ARHGAP9: variants seen among roughly 807,000 people sequenced by gnomAD.
The protein encoded by ARHGAP9 is Rho GTPase activating protein 9, also known as rho GTPase-activating protein 9.
In ARHGAP9, 76 loss-of-function variants were observed where a neutral mutation model predicts 87.3. The ratio of observed to expected loss-of-function variants is 0.87; its 90% CI spans 0.72 to 1.05. ARHGAP9 has a LOEUF of 1.05. Among genes scored for constraint, ARHGAP9 ranks in the 50% least tolerant of loss-of-function variants. The probability of loss-of-function intolerance (pLI) is 0.00; values close to 1 mark genes in which losing one functional copy is unlikely to be tolerated. For synonymous variants in ARHGAP9, 382 were observed against 394.9 expected (o/e 0.97, Z 0.39); for missense variants, 941 against 960.5 (o/e 0.98, Z 0.27).
chr12:57,474,849 G>A (rs1265799403), intron 13 of ARHGAP9, 26 bp downstream of exon 13: 2 of 1,613,502 alleles, frequency 1.2e-6, no homozygotes, highest in Non-Finnish European at 1.7e-6. Context: ...GTTGGAAGAG[G>A]ATTCTGGGGT....
At chr12:57,476,318 G>C (rs1555160638) in intron 8 of ARHGAP9, 46 bp downstream of exon 8, 1 of 1,598,206 alleles carries the variant, frequency 6.3e-7, no homozygotes, top group African/African-American at 1.3e-5. Context: ...GGCGTGAGGC[G>C]GTAGGCAGCG....
At chr12:57,485,372 A>G (rs1875319305) in intron 1 of ARHGAP9, among the ~76,000 whole-genome samples, 1 of 151,716 alleles carries the variant, frequency 6.6e-6, no homozygotes, top group African/African-American at 2.4e-5. Flanking sequence ...CCTGGCCAAC[A>G]TGATGAAACC....
In ARHGAP9 at chr12:57,474,612, A is replaced by G; in HGVS notation, c.1729+14T>C. The G allele has an allele frequency of 6.2e-7, 1 of 1,614,186 alleles. No homozygotes were observed. Among genetic ancestry groups the G allele is most frequent in the Non-Finnish European group, 8.5e-7 (1 of 1,180,026 alleles). On this transcript the variant is annotated intron_variant, in intron 14 of 17. Transcript: ENST00000393791. ...ACATTCTTAGTACAACCACTGGCCC[A>G]CAAGCCTTCTCACCTCTGTCCACCA...
At chr12:57,476,338 A>C (rs486699) in intron 8 of ARHGAP9, 26 bp downstream of exon 8, 1,508,572 of 1,610,538 alleles carry the variant, frequency 0.94, 708,447 homozygotes, top group Non-Finnish European at 0.95. Context: ...GCCCGCACCC[A>C]TCCTGCGCCT....
chr12:57,487,850 CAAA>C lies in ARHGAP9; in HGVS notation c.-204+759_-204+761del, dbSNP rs10715375. The C allele has an allele frequency of 0.057, 10,093 of 177,484 alleles. 10 individuals carry two copies. The highest frequency in any genetic ancestry group is 0.1 in the East Asian group (880 of 8,722). The allele number at this position is 177,484 out of a possible 1,614,324, so 11.0% of individuals were successfully genotyped here. ...GGTGACAGAGGGAGACGCCCTCTCA[CAAA>C]AAAAAAAAAAAAAAAAAAAAAGTGC... On this transcript the variant is annotated intron_variant, in intron 1 of 20. Transcript: ENST00000393797.
chr12:57,476,349 C>G lies in ARHGAP9; in HGVS notation c.1116+15G>C. On this transcript the variant is annotated intron_variant, in intron 8 of 17. Coordinates refer to ENST00000393791, the MANE Select transcript of ARHGAP9 (RefSeq NM_032496.4). ...CAGCGCCCGCACCCATCCTGCGCCT[C>G]TCGCTCACACTCACCCAGCCTGAGG... The G allele has an allele frequency of 6.2e-7, 1 of 1,612,858 alleles. No individual in the cohort carries two copies. The highest frequency in any genetic ancestry group is 1.1e-5 in the South Asian group (1 of 91,024).
intron 1 of ARHGAP9, among the ~76,000 whole-genome samples, chr12:57,486,371 G>C (rs1254579343): frequency 6.6e-6 from 1 of 151,654 alleles, no homozygotes; most frequent in South Asian, 2.1e-4. Flanking sequence ...CTGGGTTCAA[G>C]TGATTCTCCT....
In ARHGAP9 at chr12:57,473,632, A is replaced by G; in HGVS notation, c.1995T>C (p.Thr665=). The change falls in exon 17 of 18, where the codon ACT becomes ACC. Residue 665 remains threonine, a synonymous_variant. Transcript: ENST00000393791. ...ATAAATGCTCCAGGAGGTACCGTAG[A>G]GTGTCATGGTTGGGCTTTGGCATTG... ...IGSMPKPNHD[T]LRYLLEHLCR... The G allele has an allele frequency of 1.9e-6, 3 of 1,613,874 alleles. No homozygotes were observed. Among genetic ancestry groups the G allele is most frequent in the Non-Finnish European group, 2.5e-6 (3 of 1,179,828 alleles).
upstream of ARHGAP9, among the ~76,000 whole-genome samples, chr12:57,481,453 A>C (rs1170576437): frequency 6.6e-6 from 1 of 151,724 alleles, no homozygotes; most frequent in Non-Finnish European, 1.5e-5. Flanking sequence ...GGGTTTCACT[A>C]TGTTGGCCAG....
In ARHGAP9 at chr12:57,474,031, C is replaced by A; in HGVS notation, c.1918+11G>T. ...CACATCAAGGGTTCTTTCCAAAGCT[C>A]CAACCCTTACCAAGGGCAGCACGGA... On this transcript the variant is annotated intron_variant, in intron 16 of 17. Transcript: ENST00000393791. The A allele has an allele frequency of 1.2e-6, 2 of 1,612,452 alleles. No homozygotes were observed. The highest frequency in any genetic ancestry group is 2.7e-5 in the African/African-American group (2 of 75,008).
chr12:57,477,280 G>T lies in ARHGAP9; in HGVS notation c.757-11C>A. 1.3e-6 allele frequency: 2 copies of T among 1,549,994 alleles called. No individual in the cohort carries two copies. Among genetic ancestry groups the T allele is most frequent in the Non-Finnish European group, 8.7e-7 (1 of 1,148,244 alleles). ...CATGGAGCCAGGGTTCTGGGTTAGG[G>T]GAGGAGGAAATAAAGCTACATCCAG... On this transcript the variant is annotated splice_polypyrimidine_tract_variant and intron_variant, in intron 4 of 17. Coordinates refer to ENST00000393791, the MANE Select transcript of ARHGAP9 (RefSeq NM_032496.4).
chr12:57,480,980 C>T (rs182152217), upstream of ARHGAP9: 164 of 711,032 alleles, frequency 2.3e-4, no homozygotes, highest in African/African-American at 2.2e-3. Flanking sequence ...CACTTCAACA[C>T]ATGGAGAATC....
chr12:57,488,114 C>T lies in ARHGAP9; in HGVS notation c.-204+498G>A. On this transcript the variant is annotated intron_variant, in intron 1 of 20. Coordinates refer to the ARHGAP9 transcript ENST00000393797. Reference sequence around the variant, plus strand: ...AAATGAGACTGTTCGTGAGTGATGGCGTCCCGGGTTGCTTGCCGGTGCTGG... The same window carrying T: ...AAATGAGACTGTTCGTGAGTGATGGTGTCCCGGGTTGCTTGCCGGTGCTGG... 1 of 1,614,160 alleles carries T rather than the reference C, an allele frequency of 6.2e-7. No individual in the cohort carries two copies. Among genetic ancestry groups the T allele is most frequent in the African/African-American group, 1.3e-5 (1 of 75,062 alleles).
At position 57,474,878 on chromosome 12, in the gene ARHGAP9, T is replaced by A. The variant is rs1873000393; in HGVS notation, c.1648A>T (p.Arg550Ter). Residue 550 changes from arginine to a stop codon, truncating the protein, a stop_gained, in exon 13 of 18, where the codon AGA becomes TGA. Transcript: ENST00000393791. LOFTEE classifies it high-confidence loss of function. ...CTGGGGTCTCTGAGAAAATGACCTCTTTTATCCACAGCAGCAATGCAGAGC... is the reference window on the plus strand; with the variant it reads ...CTGGGGTCTCTGAGAAAATGACCTCATTTATCCACAGCAGCAATGCAGAGC... ...LRLCIAAVDK[R>*]GLDVDGIYRV... The A allele has an allele frequency of 6.2e-7, 1 of 1,614,186 alleles. No individual in the cohort carries two copies. Among genetic ancestry groups the A allele is most frequent in the East Asian group, 2.2e-5 (1 of 44,894 alleles).
Position 57,477,580 on chromosome 12 carries a change from AG to A in ARHGAP9, c.634del (p.Leu212CysfsTer22), listed in dbSNP as rs1268197362. ...RSPPPGPACP[L>X]LQRLDAWEQH... is the part of the protein sequence containing the mutation. ...CTCCCAGGCATCCAGCCTCTGCAGC[AG>A]GGGGCATGCAGGGCCTGGGGGTGGG... On this transcript the variant is annotated frameshift_variant, in exon 4 of 18. Coordinates refer to ENST00000393791, the MANE Select transcript of ARHGAP9 (RefSeq NM_032496.4). LOFTEE classifies it high-confidence loss of function. 1 of 1,613,168 alleles carries A rather than the reference AG, an allele frequency of 6.2e-7. No homozygotes were observed. The highest frequency in any genetic ancestry group is 8.5e-7 in the Non-Finnish European group (1 of 1,179,544).
chr12:57,473,780 T>A lies in ARHGAP9; in HGVS notation c.1919-72A>T. ...GCTAGGACAGGATGGGTAAATGCAC[T>A]GCTCTTTCCCACAGGCATGGAAGAC... On this transcript the variant is annotated intron_variant, in intron 16 of 17. Transcript: ENST00000393791. The A allele has an allele frequency of 2.9e-6, 4 of 1,379,734 alleles. No homozygotes were observed. In the South Asian group the frequency reaches 4.7e-5, roughly 16 times the overall value. The allele number at this position is 1,379,734 out of a possible 1,614,324, so 85.5% of individuals were successfully genotyped here. A position where few individuals can be genotyped will look rare whatever the true frequency, so the allele number is the denominator to read the frequency against.
chr12:57,477,671 G>A lies in ARHGAP9; in HGVS notation c.544C>T (p.Gln182Ter). 6.2e-7 allele frequency: 1 copy of A among 1,610,478 alleles called. No individual in the cohort carries two copies. The highest frequency in any genetic ancestry group is 8.5e-7 in the Non-Finnish European group (1 of 1,177,308). ...ACAGGGGGCTCTGACATGAGGGGCT[G>A]GGGGCCTGCCTGCCAGAAAAGGGGG... ...SEASASTAGP[Q>*]PLMSEPPVYC... The change falls in exon 4 of 18, where the codon CAG becomes TAG. Residue 182 changes from glutamine (Q) to a stop codon, truncating the protein, a stop_gained. Coordinates refer to ENST00000393791, the MANE Select transcript of ARHGAP9 (RefSeq NM_032496.4). LOFTEE classifies it high-confidence loss of function.
chr12:57,488,212 G>A (rs1875599234), intron 1 of ARHGAP9: 1 of 1,603,680 alleles, frequency 6.2e-7, no homozygotes, highest in Admixed American at 1.7e-5. Context: ...ACTCGTGCTG[G>A]TGCTGGTGGG....
chr12:57,487,887 C>T, intron 1 of ARHGAP9: 1 of 561,346 alleles, frequency 1.8e-6, no homozygotes. Flanking sequence ...GCAGTCTAGC[C>T]CGCATCTGCG....
Sources: gnomAD v4.1 joint callset for allele counts (sites outside exome capture counted in the v4.1 genomes callset) on GRCh38, gnomAD v4.1.1 for gene constraint, MANE v1.5 for transcripts, NCBI Gene and HGNC (gene_info 2026-07-23, HGNC 2026-07-21) for gene names.